Variants in TENM3 observed in about 807,000 individuals in gnomAD.
The protein encoded by TENM3 is teneurin-3.
In TENM3, 63 loss-of-function variants were observed where a neutral mutation model predicts 255.1. That is an observed-to-expected ratio of 0.25 (90% CI 0.20 to 0.30). TENM3 has a LOEUF of 0.30. TENM3 is among the 10% of genes least tolerant of loss of function. The pLI, the probability that TENM3 is intolerant of heterozygous loss-of-function variation, is 1.00. For synonymous variants in TENM3, 1,306 were observed against 1,322.3 expected, an observed-to-expected ratio of 0.99 and a Z score of 0.27; for missense variants, 2,929 against 3,461.1, an observed-to-expected ratio of 0.85 and a Z score of 3.86.
At chr4:181,450,700 A>G in the TENM3 span, among the ~76,000 whole-genome samples, 6 of 152,242 alleles carry the variant, frequency 3.9e-5, no homozygotes, top group Non-Finnish European at 7.3e-5. Flanking sequence ...AGTAGAAGGC[A>G]TAGAACACAT....
chr4:182,136,711 G>C, the TENM3 span, among the ~76,000 whole-genome samples: 1 of 152,078 alleles, frequency 6.6e-6, no homozygotes, highest in African/African-American at 2.4e-5. Flanking sequence ...TCAATAAGGA[G>C]TTAGGATCCA....
intron 1 of TENM3, among the ~76,000 whole-genome samples, chr4:182,279,068 G>A (rs1047673292): frequency 9.2e-5 from 14 of 152,104 alleles, no homozygotes; most frequent in Admixed American, 8.5e-4. Context: ...AGGATCTCTC[G>A]CAGCACTGCA....
the TENM3 span, among the ~76,000 whole-genome samples, chr4:182,080,919 G>A: frequency 1.1e-4 from 16 of 152,108 alleles, no homozygotes; most frequent in Admixed American, 9.2e-4. Context: ...TGAGTCCCGG[G>A]TGTCAGGGCC....
intron 22 of TENM3, among the ~76,000 whole-genome samples, chr4:182,760,687 G>T (rs1040412196): frequency 6.6e-6 from 1 of 152,118 alleles, no homozygotes; most frequent in Non-Finnish European, 1.5e-5. Flanking sequence ...GTATATATGG[G>T]TCTCCGGCTT....
chr4:182,075,431 CT>C, the TENM3 span, among the ~76,000 whole-genome samples: 1 of 152,030 alleles, frequency 6.6e-6, no homozygotes, highest in African/African-American at 2.4e-5. Context: ...ATCTCCTGAC[CT>C]AGTGATCCAC....
intron 3 of TENM3, among the ~76,000 whole-genome samples, chr4:182,440,281 T>C (rs2124986): frequency 0.087 from 13,279 of 151,836 alleles, 911 homozygotes; most frequent in African/African-American, 0.18. Context: ...CCAGCTAATT[T>C]TTTTGTATTT....
chr4:181,661,800 A>G, the TENM3 span, among the ~76,000 whole-genome samples: 1 of 151,892 alleles, frequency 6.6e-6, no homozygotes, highest in East Asian at 1.9e-4. Flanking sequence ...ATAAAACAGT[A>G]AGTGGATTTT....
intron 3 of TENM3, among the ~76,000 whole-genome samples, chr4:182,579,638 A>G (rs1466179246): frequency 2.6e-5 from 4 of 152,198 alleles, no homozygotes; most frequent in Non-Finnish European, 4.4e-5. Context: ...ATTTTTTAGT[A>G]GAAGAGTAAT....
At chr4:181,476,205 G>GTTTTTTTTTTT in the TENM3 span, among the ~76,000 whole-genome samples, 10 of 98,066 alleles carry the variant, frequency 1.0e-4, no homozygotes, top group African/African-American at 2.6e-4. Context: ...ACATTTTAGG[G>GTTTTTTTTTTT]GTTTTTTTTT....
At chr4:181,479,982 A>T in the TENM3 span, among the ~76,000 whole-genome samples, 1 of 152,132 alleles carries the variant, frequency 6.6e-6, no homozygotes, top group Non-Finnish European at 1.5e-5. Context: ...ACCACCTAGC[A>T]ATCACAGTAA....
intron 10 of TENM3, 21 bp downstream of exon 10, chr4:182,680,758 A>C (rs751608554): frequency 1.3e-6 from 2 of 1,511,984 alleles, no homozygotes; most frequent in South Asian, 2.6e-5. Context: ...CAATATTCAC[A>C]GAAGTCTGTT....
At chr4:182,433,615 G>C (rs1771826732) in intron 3 of TENM3, among the ~76,000 whole-genome samples, 1 of 152,164 alleles carries the variant, frequency 6.6e-6, no homozygotes, top group East Asian at 1.9e-4. Context: ...GATAAAACTC[G>C]AGTGGTCTCC....
At chr4:182,401,892 T>G (rs1392007002) in intron 3 of TENM3, among the ~76,000 whole-genome samples, 6 of 152,198 alleles carry the variant, frequency 3.9e-5, no homozygotes, top group Non-Finnish European at 5.9e-5. Context: ...GGTCAGGAAG[T>G]AGATGAGAAG....
chr4:181,475,599 C>G, the TENM3 span, among the ~76,000 whole-genome samples: 2 of 152,122 alleles, frequency 1.3e-5, no homozygotes, highest in Admixed American at 6.6e-5. Context: ...AAAAATAATC[C>G]TTTTTGTGCC....
At chr4:181,565,567 C>T in the TENM3 span, among the ~76,000 whole-genome samples, 2 of 152,094 alleles carry the variant, frequency 1.3e-5, no homozygotes, top group East Asian at 1.9e-4. Flanking sequence ...GACGAGGGCA[C>T]GCAGCAAAGT....
chr4:182,043,275 T>C, the TENM3 span, among the ~76,000 whole-genome samples: 2 of 152,220 alleles, frequency 1.3e-5, no homozygotes, highest in African/African-American at 4.8e-5. Context: ...CTGTCTTCCG[T>C]TGATCTCAAT....
the TENM3 span, among the ~76,000 whole-genome samples, chr4:181,885,842 C>T: frequency 1.3e-5 from 2 of 152,066 alleles, no homozygotes; most frequent in Non-Finnish European, 2.9e-5. Context: ...TTTCACTGGG[C>T]CATTCTTAGA....
At chr4:182,121,144 GC>G in the TENM3 span, among the ~76,000 whole-genome samples, 98 of 151,928 alleles carry the variant, frequency 6.5e-4, 2 homozygotes, top group East Asian at 3.1e-3. Flanking sequence ...GATTACAGGC[GC>G]CCACACGACA....
intron 24 of TENM3, among the ~76,000 whole-genome samples, chr4:182,787,978 T>G (rs1359633936): frequency 6.6e-6 from 1 of 152,150 alleles, no homozygotes; most frequent in Non-Finnish European, 1.5e-5. Context: ...CAAAAGGCAG[T>G]TTTATTCCAA....
Sources: gnomAD v4.1 joint callset for allele counts (sites outside exome capture counted in the v4.1 genomes callset) on GRCh38, gnomAD v4.1.1 for gene constraint, MANE v1.5 for transcripts, NCBI Gene and HGNC (gene_info 2026-07-23, HGNC 2026-07-21) for gene names.